NAALADL2: variants seen among roughly 807,000 people sequenced by gnomAD.
NAALADL2 encodes the protein inactive N-acetylated-alpha-linked acidic dipeptidase-like protein 2.
A neutral mutation model predicts 87.2 loss-of-function variants in NAALADL2; 76 were observed. The observed-to-expected ratio is 0.87, with a 90% CI of 0.72 to 1.05. NAALADL2 has a LOEUF of 1.05. Ranked by LOEUF, NAALADL2 falls within the 50% of genes least tolerant of loss-of-function variation. NAALADL2 has a pLI of 0.00. For synonymous variants in NAALADL2, 354 were observed against 331.0 expected (o/e 1.07, Z -0.75); for missense variants, 1,089 against 945.8 (o/e 1.15, Z -1.99).
chr3:174,600,046 T>C (rs1303065096), intron 2 of NAALADL2, among the ~76,000 whole-genome samples: 1 of 152,178 alleles, frequency 6.6e-6, no homozygotes, highest in Non-Finnish European at 1.5e-5. Context: ...TAATATTCTA[T>C]GTAGTTTACA....
chr3:174,472,635 T>C (rs1716974184), intron 1 of NAALADL2, among the ~76,000 whole-genome samples: 1 of 152,226 alleles, frequency 6.6e-6, no homozygotes, highest in Non-Finnish European at 1.5e-5. Flanking sequence ...GTTTCCTGAT[T>C]AATTACTATT....
chr3:175,681,851 A>C (rs1424556872), intron 11 of NAALADL2, among the ~76,000 whole-genome samples: 2 of 152,206 alleles, frequency 1.3e-5, no homozygotes, highest in Non-Finnish European at 2.9e-5. Flanking sequence ...GCTGAATGTG[A>C]AATTAGGTTA....
intron 4 of NAALADL2, among the ~76,000 whole-genome samples, chr3:175,279,566 CAT>C (rs1237116506): frequency 1.3e-5 from 2 of 151,804 alleles, no homozygotes; most frequent in African/African-American, 2.4e-5. Flanking sequence ...GGCATAAAAT[CAT>C]ATGTTATGTC....
At chr3:174,918,625 A>T (rs1407259823) in intron 1 of NAALADL2, among the ~76,000 whole-genome samples, 1 of 152,110 alleles carries the variant, frequency 6.6e-6, no homozygotes, top group East Asian at 1.9e-4. Context: ...CTTCCACTGA[A>T]CAGGTTACCT....
At chr3:174,877,606 T>A (rs1439604556) in intron 1 of NAALADL2, among the ~76,000 whole-genome samples, 2 of 152,078 alleles carry the variant, frequency 1.3e-5, no homozygotes, top group Non-Finnish European at 2.9e-5. Context: ...TTTTATCCAC[T>A]CAGTATTAAA....
chr3:174,878,376 G>A (rs3849522), intron 1 of NAALADL2, among the ~76,000 whole-genome samples: 17,771 of 151,884 alleles, frequency 0.12, 1,145 homozygotes, highest in Middle Eastern at 0.14. Flanking sequence ...CCAACCTGTT[G>A]AATCATTGTC....
At chr3:175,403,638 T>A (rs1711768200) in intron 5 of NAALADL2, among the ~76,000 whole-genome samples, 1 of 152,150 alleles carries the variant, frequency 6.6e-6, no homozygotes. Flanking sequence ...TGAGTTATTT[T>A]GACAATAATA....
At chr3:174,655,778 A>G (rs906601435) in intron 2 of NAALADL2, among the ~76,000 whole-genome samples, 3 of 152,224 alleles carry the variant, frequency 2.0e-5, no homozygotes, top group African/African-American at 7.2e-5. Flanking sequence ...TATTAAACAT[A>G]CCATTAACTA....
intron 2 of NAALADL2, among the ~76,000 whole-genome samples, chr3:174,556,170 T>G (rs1035735172): frequency 4.6e-5 from 7 of 152,162 alleles, no homozygotes; most frequent in African/African-American, 1.7e-4. Flanking sequence ...AAAGGAATCT[T>G]TGTGTGAACT....
At position 175,575,963 on chromosome 3, in the gene NAALADL2, C is replaced by T. The variant is rs375248753; in HGVS notation, c.1654-78C>T. 190 of 1,194,754 alleles carry T rather than the reference C, an allele frequency of 1.6e-4. 1 individual carries two copies. In the East Asian group the frequency reaches 4.2e-3, roughly 26 times the overall value. 74.0% of individuals were successfully genotyped at this position (1,194,754 alleles called of 1,614,324 possible). On this transcript the variant is annotated intron_variant, in intron 9 of 13. Transcript: ENST00000454872. ...GACATTGATGCTGCTGATCTGTGGA[C>T]CATGTTTTGAGTAGCACTGATCTAG...
chr3:175,801,084 T>C (rs956445558), intron 13 of NAALADL2, among the ~76,000 whole-genome samples: 7 of 152,100 alleles, frequency 4.6e-5, no homozygotes, highest in Non-Finnish European at 7.4e-5. Context: ...TCAATCAAGT[T>C]GATGCTGGTG....
chr3:175,796,414 A>G (rs1423977171), intron 13 of NAALADL2, among the ~76,000 whole-genome samples: 1 of 152,212 alleles, frequency 6.6e-6, no homozygotes, highest in Admixed American at 6.5e-5. Flanking sequence ...AGTTGTCTGC[A>G]GAGTGAGTTT....
At chr3:175,765,361 A>T (rs1287712589) in intron 13 of NAALADL2, among the ~76,000 whole-genome samples, 1 of 152,090 alleles carries the variant, frequency 6.6e-6, no homozygotes, top group East Asian at 1.9e-4. Flanking sequence ...AAAAGCCCCC[A>T]AATTTTAAGA....
chr3:174,966,762 G>A (rs932036241), intron 1 of NAALADL2, among the ~76,000 whole-genome samples: 1 of 152,146 alleles, frequency 6.6e-6, no homozygotes, highest in Non-Finnish European at 1.5e-5. Context: ...CTGAGTTCTA[G>A]ACTGGGGATC....
intron 3 of NAALADL2, among the ~76,000 whole-genome samples, chr3:174,746,400 A>G (rs1734253982): frequency 6.6e-6 from 1 of 152,210 alleles, no homozygotes; most frequent in Non-Finnish European, 1.5e-5. Context: ...TTCAAGGAGT[A>G]CTACAAACCA....
intron 9 of NAALADL2, among the ~76,000 whole-genome samples, chr3:175,530,341 T>C (rs574427069): frequency 3.2e-4 from 48 of 152,332 alleles, no homozygotes; most frequent in Non-Finnish European, 6.2e-4. Context: ...TTTCCAATCA[T>C]GCTTCTTCCA....
At chr3:175,013,490 G>T (rs943302924) in intron 1 of NAALADL2, among the ~76,000 whole-genome samples, 3 of 150,546 alleles carry the variant, frequency 2.0e-5, no homozygotes, top group Non-Finnish European at 1.5e-5. Flanking sequence ...GTAGAGAAAA[G>T]ATTTTGCCAT....
At chr3:175,788,457 A>G (rs1407494793) in intron 13 of NAALADL2, among the ~76,000 whole-genome samples, 3 of 152,090 alleles carry the variant, frequency 2.0e-5, no homozygotes, top group African/African-American at 4.8e-5. Context: ...TATATATACA[A>G]ATATTTACCA....
rs560678655 is a variant in NAALADL2 at position 174,636,789 on chromosome 3, G to A, written c.-115+86152G>A. 1.7e-3 allele frequency among the ~76,000 whole-genome samples: 266 copies of A among 152,120 alleles called. 4 individuals are homozygous for A. Among genetic ancestry groups the A allele is most frequent in the Admixed American group, 3.5e-3 (54 of 15,292 alleles). ...AAAAAAAACTAACTAAAAATAGAAC[G>A]ATCATGTGATCCAGAAATCCTACTA... On this transcript the variant is annotated intron_variant, in intron 2 of 3. Transcript: ENST00000434257.
Sources: gnomAD v4.1 joint callset for allele counts (sites outside exome capture counted in the v4.1 genomes callset) on GRCh38, gnomAD v4.1.1 for gene constraint, MANE v1.5 for transcripts, NCBI Gene and HGNC (gene_info 2026-07-23, HGNC 2026-07-21) for gene names.